MAN1A2: variants seen among roughly 807,000 people sequenced by gnomAD.
MAN1A2 encodes the protein mannosidase alpha class 1A member 2, also known as mannosyl-oligosaccharide 1,2-alpha-mannosidase IB.
Under a neutral mutation model 75.7 loss-of-function variants are expected in MAN1A2, and 26 were observed. That is an observed-to-expected ratio of 0.34 (90% CI 0.25 to 0.48). MAN1A2 has a LOEUF of 0.48. Ranked by LOEUF, MAN1A2 falls within the 20% of genes least tolerant of loss-of-function variation. The probability of loss-of-function intolerance (pLI) is 0.99; values close to 1 mark genes in which losing one functional copy is unlikely to be tolerated. For missense variants in MAN1A2, 562 were observed against 775.5 expected (o/e 0.72, Z 3.27); for synonymous variants, 247 against 264.6 (o/e 0.93, Z 0.65).
intron 1 of MAN1A2, among the ~76,000 whole-genome samples, chr1:117,388,733 T>A (rs1386418778): frequency 2.6e-5 from 4 of 152,000 alleles, no homozygotes; most frequent in African/African-American, 9.7e-5. Context: ...TTTAGTGGGG[T>A]CATATATTAA....
chr1:117,463,809 C>G (rs773992516), intron 7 of MAN1A2, among the ~76,000 whole-genome samples: 1 of 151,212 alleles, frequency 6.6e-6, no homozygotes, highest in Non-Finnish European at 1.5e-5. Context: ...TAAAGTGATA[C>G]AAAAATATTG....
At chr1:117,502,042 T>C (rs1651217591) in intron 11 of MAN1A2, among the ~76,000 whole-genome samples, 1 of 151,786 alleles carries the variant, frequency 6.6e-6, no homozygotes, top group Non-Finnish European at 1.5e-5. Flanking sequence ...ATTCAGTATA[T>C]TTTATTTAGG....
At chr1:117,381,040 T>C (rs1653317525) in intron 1 of MAN1A2, among the ~76,000 whole-genome samples, 4 of 152,170 alleles carry the variant, frequency 2.6e-5, no homozygotes, top group African/African-American at 9.6e-5. Context: ...TTTTCAGCAA[T>C]GTTTATGGTT....
intron 8 of MAN1A2, among the ~76,000 whole-genome samples, chr1:117,481,330 A>C (rs1650489732): frequency 6.6e-6 from 1 of 151,742 alleles, no homozygotes; most frequent in South Asian, 2.1e-4. Flanking sequence ...TAAAAAAAAA[A>C]AGGAATAGTC....
chr1:117,379,956 G>A (rs377325444), intron 1 of MAN1A2, among the ~76,000 whole-genome samples: 2 of 152,096 alleles, frequency 1.3e-5, no homozygotes, highest in East Asian at 1.9e-4. Flanking sequence ...ACATTTGTGC[G>A]CCTATATTCG....
intron 1 of MAN1A2, among the ~76,000 whole-genome samples, chr1:117,378,927 G>C (rs1024708851): frequency 6.6e-6 from 1 of 151,994 alleles, no homozygotes; most frequent in Non-Finnish European, 1.5e-5. Context: ...CATTCTGGAT[G>C]AATTCTGTGT....
At chr1:117,505,485 A>G (rs987053803) in intron 12 of MAN1A2, among the ~76,000 whole-genome samples, 11 of 151,106 alleles carry the variant, frequency 7.3e-5, no homozygotes, top group African/African-American at 2.4e-4. Flanking sequence ...CTATCTATAT[A>G]TATATAGATA....
intron 8 of MAN1A2, among the ~76,000 whole-genome samples, chr1:117,491,128 C>G (rs1427906944): frequency 6.6e-6 from 1 of 151,894 alleles, no homozygotes; most frequent in Non-Finnish European, 1.5e-5. Context: ...GAAGATCTAA[C>G]TAAGTTAATT....
Position 117,368,253 on chromosome 1 carries a change from T to A in MAN1A2, c.70T>A (p.Phe24Ile). The A allele has an allele frequency of 6.2e-7, 1 of 1,614,180 alleles. No homozygotes were observed. Among genetic ancestry groups the A allele is most frequent in the Non-Finnish European group, 8.5e-7 (1 of 1,180,030 alleles). Residue 24 changes from phenylalanine (F) to isoleucine (I), a missense_variant, in exon 1 of 13, where the codon TTC becomes ATC. This residue lies in a region of MAN1A2 where 128 missense variants were observed against 129.8 expected (regional missense o/e 0.99). Coordinates refer to ENST00000356554, the MANE Select transcript of MAN1A2 (RefSeq NM_006699.5). The part of the protein sequence containing the change: ...IPPLNLGPPS[F>I]PHHRATLRLS... Reference sequence around the variant, plus strand: ...ACCTCTGAACCTGGGGCCGCCTTCCTTCCCACATCACAGGGCTACCTTGAG... The same window carrying A: ...ACCTCTGAACCTGGGGCCGCCTTCCATCCCACATCACAGGGCTACCTTGAG...
At chr1:117,391,165 C>G (rs1231511793) in intron 1 of MAN1A2, among the ~76,000 whole-genome samples, 1 of 152,080 alleles carries the variant, frequency 6.6e-6, no homozygotes, top group Non-Finnish European at 1.5e-5. Flanking sequence ...AAAAAACATA[C>G]TTTATATGGT....
At chr1:117,385,526 A>G (rs1653494704) in intron 1 of MAN1A2, among the ~76,000 whole-genome samples, 1 of 151,606 alleles carries the variant, frequency 6.6e-6, no homozygotes. Context: ...ATCCTTCTCT[A>G]TTTTTCACGG....
chr1:117,506,405 A>G (rs1651371434), intron 12 of MAN1A2, among the ~76,000 whole-genome samples: 4 of 151,582 alleles, frequency 2.6e-5, no homozygotes, highest in Non-Finnish European at 3.0e-5. Context: ...AGTTATTGCT[A>G]TAGGCATACT....
intron 1 of MAN1A2, among the ~76,000 whole-genome samples, chr1:117,385,877 C>T (rs1387251166): frequency 6.6e-6 from 1 of 152,152 alleles, no homozygotes; most frequent in African/African-American, 2.4e-5. Context: ...TACACAGAAC[C>T]ACTGTCAGTG....
chr1:117,508,491 A>G (rs1294700190), intron 12 of MAN1A2, among the ~76,000 whole-genome samples: 1 of 151,602 alleles, frequency 6.6e-6, no homozygotes, highest in East Asian at 1.9e-4. Flanking sequence ...AACTTTGAAT[A>G]TAGTAAAATT....
intron 12 of MAN1A2, among the ~76,000 whole-genome samples, chr1:117,520,832 T>A (rs1347323947): frequency 6.6e-6 from 1 of 151,930 alleles, no homozygotes; most frequent in Non-Finnish European, 1.5e-5. Flanking sequence ...AAAATTCATA[T>A]GGAACAAAAA....
intron 1 of MAN1A2, among the ~76,000 whole-genome samples, chr1:117,399,898 TA>T (rs1229548758): frequency 6.6e-6 from 1 of 152,200 alleles, no homozygotes; most frequent in Non-Finnish European, 1.5e-5. Flanking sequence ...TGGCTACCCT[TA>T]GCTGCAAGGA....
At position 117,420,603 on chromosome 1, in the gene MAN1A2, G is replaced by A. The variant is rs760445211; in HGVS notation, c.809G>A (p.Arg270Gln). 1.9e-6 allele frequency: 3 copies of A among 1,612,884 alleles called. No homozygotes were observed. The highest frequency in any genetic ancestry group is 2.2e-5 in the East Asian group (1 of 44,832). ...GTGTCTGTGTTTGAAGTCAACATTCGATTTATTGGAGGCCTACTTGCAGCA... is the reference window on the plus strand; with the variant it reads ...GTGTCTGTGTTTGAAGTCAACATTCAATTTATTGGAGGCCTACTTGCAGCA... Reference protein sequence around the residue: ...SEVSVFEVNIRFIGGLLAAYY... With the variant: ...SEVSVFEVNIQFIGGLLAAYY... The change falls in exon 5 of 13, where the codon CGA (arginine) becomes CAA (glutamine). Residue 270 changes from arginine (R) to glutamine (Q), a missense_variant. Physicochemically the swap from Arg to Gln is conservative, Grantham distance 43 (BLOSUM62 1). This residue lies in a region of MAN1A2 where 434 missense variants were observed against 645.7 expected (regional missense o/e 0.67). Coordinates refer to ENST00000356554, the MANE Select transcript of MAN1A2 (RefSeq NM_006699.5).
intron 8 of MAN1A2, among the ~76,000 whole-genome samples, chr1:117,489,711 T>G (rs1650821670): frequency 6.6e-6 from 1 of 152,096 alleles, no homozygotes; most frequent in Non-Finnish European, 1.5e-5. Context: ...CCAGATATGT[T>G]CTTATATTTT....
At position 117,405,663 on chromosome 1, in the gene MAN1A2, A is replaced by G. The variant is rs200701774; in HGVS notation, c.655+18A>G. On this transcript the variant is annotated intron_variant, in intron 3 of 12. Transcript: ENST00000356554. The stretch of plus-strand genomic sequence containing the variant: ...CATATTTGGTAAGTTTACTTTTTCT[A>G]ATTACTATTTCCATTTTCTACCTCC... 18 of 1,374,386 alleles carry G rather than the reference A, an allele frequency of 1.3e-5. No homozygotes were observed. Among genetic ancestry groups the G allele is most frequent in the Non-Finnish European group, 1.9e-5 (18 of 965,224 alleles). 85.1% of individuals were successfully genotyped at this position (1,374,386 alleles called of 1,614,324 possible).
Sources: gnomAD v4.1 joint callset for allele counts (sites outside exome capture counted in the v4.1 genomes callset) on GRCh38, gnomAD v4.1.1 for gene constraint, gnomAD v4.1.1 regional missense constraint, MANE v1.5 for transcripts, NCBI Gene and HGNC (gene_info 2026-07-23, HGNC 2026-07-21) for gene names.